Variants in CHD8 observed in about 807,000 individuals in gnomAD.
CHD8 encodes the protein ATP-dependent chromatin remodeler CHD8.
Under a neutral mutation model 279.2 loss-of-function variants are expected in CHD8, and 31 were observed. The observed-to-expected ratio is 0.11, with a 90% CI of 0.08 to 0.15. The LOEUF (loss-of-function observed/expected upper bound fraction) is 0.15. CHD8 is among the 10% of genes least tolerant of loss of function. CHD8 has a pLI of 1.00. For missense variants in CHD8, 2,146 were observed against 3,230.5 expected (o/e 0.66, Z 8.14); for synonymous variants, 1,081 against 1,139.6 (o/e 0.95, Z 1.04).
In CHD8 at chr14:21,391,868, G is replaced by T. The variant is rs777463739; in HGVS notation, c.6850C>A (p.His2284Asn). 7.4e-6 allele frequency: 12 copies of T among 1,613,492 alleles called. No homozygotes were observed. In the East Asian group the frequency reaches 2.7e-4, roughly 36 times the overall value. The change falls in exon 35 of 38, where the codon CAT becomes AAT. Residue 2284 changes from histidine to asparagine, a missense_variant. Physicochemically the swap from His to Asn is moderately conservative, Grantham distance 68. Transcript: ENST00000646647. ...TTCTTTCTGTTCCCCTTCTTCTTAT[G>T]AAACAGTGGATGTCCATCTCCCATT... is the stretch of plus-strand genomic sequence containing the variant. The part of the protein sequence containing the change: ...GVMGDGHPLF[H>N]KKKGNRKKLV...
intron 5 of CHD8, among the ~76,000 whole-genome samples, chr14:21,424,613 G>A (rs1012102047): frequency 6.6e-6 from 1 of 152,090 alleles, no homozygotes; most frequent in Non-Finnish European, 1.5e-5. Context: ...TGGGACTACA[G>A]GCGCCCACCA....
In CHD8 at chr14:21,407,015, G is replaced by T. The variant is rs764248941; in HGVS notation, c.2748C>A (p.Gly916=). The change falls in exon 14 of 38, where the codon GGC becomes GGA. Residue 916 remains glycine, a synonymous_variant. Transcript: ENST00000646647. ...CKDSRGRLIP[G]AYKFDALITT... ...TGATCAGAGCGTCAAACTTGTATGC[G>T]CCTGGGATGAGGCGTCCCTAAGCAT... 3 of 1,587,190 alleles carry T rather than the reference G, an allele frequency of 1.9e-6. No homozygotes were observed. The highest frequency in any genetic ancestry group is 3.6e-5 in the Admixed American group (2 of 55,252).
chr14:21,417,043 T>C (rs896875753), intron 5 of CHD8, among the ~76,000 whole-genome samples: 5 of 152,172 alleles, frequency 3.3e-5, no homozygotes, highest in African/African-American at 9.7e-5. Flanking sequence ...GAGGTTGCAG[T>C]GAGCAAACTT....
intron 37 of CHD8, among the ~76,000 whole-genome samples, chr14:21,388,745 A>G (rs1319497706): frequency 6.6e-6 from 1 of 151,954 alleles, no homozygotes; most frequent in Non-Finnish European, 1.5e-5. Flanking sequence ...CAGCCTCCCA[A>G]AGTGCTGGGA....
chr14:21,394,565 GT>G, intron 30 of CHD8, 80 bp from the exon 31 acceptor site: 1 of 302,076 alleles, frequency 3.3e-6, no homozygotes, highest in Non-Finnish European at 5.5e-6. Context: ...TTTTTAATGT[GT>G]TTTAGAATAT....
At chr14:21,388,472 ATAC>A (rs1181905007) in intron 37 of CHD8, among the ~76,000 whole-genome samples, 1 of 152,024 alleles carries the variant, frequency 6.6e-6, no homozygotes, top group Non-Finnish European at 1.5e-5. Flanking sequence ...TTACATGGAA[ATAC>A]TACATGATTT....
intron 1 of CHD8, among the ~76,000 whole-genome samples, chr14:21,451,079 A>C (rs1362153011): frequency 1.3e-5 from 2 of 152,198 alleles, no homozygotes; most frequent in Non-Finnish European, 2.9e-5. Flanking sequence ...TCACTCCTTA[A>C]ATGACAAGGT....
chr14:21,436,094 C>T (rs1889769898), intron 1 of CHD8, among the ~76,000 whole-genome samples: 1 of 152,236 alleles, frequency 6.6e-6, no homozygotes, highest in Non-Finnish European at 1.5e-5. Context: ...AGTATTGAGC[C>T]ATGCTGACCT....
At chr14:21,401,156 T>C in intron 21 of CHD8, 85 bp from the exon 22 acceptor site, 1 of 1,072,124 alleles carries the variant, frequency 9.3e-7, no homozygotes, top group Non-Finnish European at 1.3e-6. Context: ...TACAATAACA[T>C]TGGATGTAAC....
rs1392201145 is a variant in CHD8 at position 21,449,236 on chromosome 14, C to CA, written c.-216+6795dup. ...TGGATAATAAATGGGGCTTTGAAGT[C>CA]AGACCAGAGCTCCTCCTACTCTTGG... On this transcript the variant is annotated intron_variant, in intron 1 of 37. Transcript: ENST00000646647. 5.3e-5 allele frequency among the ~76,000 whole-genome samples: 8 copies of CA among 152,092 alleles called. No homozygotes were observed. The East Asian group carries it at 1.5e-3, about 29-fold the overall frequency.
chr14:21,419,131 T>G (rs1473923123), intron 5 of CHD8, among the ~76,000 whole-genome samples: 2 of 152,264 alleles, frequency 1.3e-5, no homozygotes, highest in Non-Finnish European at 2.9e-5. Context: ...TAGAAGATAC[T>G]TTCTACTTTT....
chr14:21,412,637 A>C lies in CHD8; in HGVS notation c.2226+276T>G, dbSNP rs117405492. ...ACCCCACCTCCAACTGTATGTCAAG[A>C]GTCTCCCATTTAAAATATGAGGAAA... On this transcript the variant is annotated intron_variant, in intron 10 of 37. Transcript: ENST00000646647. Among the ~76,000 whole-genome samples the C allele has an allele frequency of 5.2e-3, 791 of 152,170 alleles. 2 individuals carry two copies. Among genetic ancestry groups the C allele is most frequent in the Middle Eastern group, 0.017 (5 of 294 alleles).
intron 5 of CHD8, among the ~76,000 whole-genome samples, chr14:21,419,285 G>C (rs1028672328): frequency 6.6e-6 from 1 of 152,192 alleles, no homozygotes; most frequent in Non-Finnish European, 1.5e-5. Context: ...TGGGCCGGGA[G>C]CGGTGGCTCA....
chr14:21,420,354 TC>T (rs1273847733), intron 5 of CHD8, among the ~76,000 whole-genome samples: 1 of 151,608 alleles, frequency 6.6e-6, no homozygotes, highest in Non-Finnish European at 1.5e-5. Flanking sequence ...AAAGCTCCCC[TC>T]CCCCTCCTTC....
Position 21,392,715 on chromosome 14 carries a change from C to T in CHD8, c.6563G>A (p.Gly2188Glu), listed in dbSNP as rs2139444897. 2.5e-6 allele frequency: 4 copies of T among 1,613,992 alleles called. No homozygotes were observed. Among genetic ancestry groups the T allele is most frequent in the Non-Finnish European group, 3.4e-6 (4 of 1,179,896 alleles). Residue 2188 changes from glycine to glutamate, a missense_variant, in exon 34 of 38, where the codon GGA becomes GAA. Transcript: ENST00000646647. ...SSRRSQEMVT[G>E]GILGPGNHLL... Reference sequence around the variant, plus strand: ...GTGGTTGCCTGGCCCCAAAATTCCTCCTGTTACCATTTCCTGGCTCCTACG... The same window carrying T: ...GTGGTTGCCTGGCCCCAAAATTCCTTCTGTTACCATTTCCTGGCTCCTACG...
chr14:21,412,849 T>C (rs1011310778), intron 10 of CHD8, 64 bp downstream of exon 10: 3 of 1,020,970 alleles, frequency 2.9e-6, no homozygotes, highest in Admixed American at 3.6e-5. Flanking sequence ...AAATAAAGGA[T>C]TGGCAAACCC....
At chr14:21,454,066 G>C (rs1890320371) in intron 1 of CHD8, among the ~76,000 whole-genome samples, 2 of 151,800 alleles carry the variant, frequency 1.3e-5, no homozygotes, top group African/African-American at 4.8e-5. Context: ...GCTCAGGCAG[G>C]AGAATTACTT....
At position 21,403,942 on chromosome 14, in the gene CHD8, T is replaced by C. The variant is rs1376724782; in HGVS notation, c.3308-279A>G. ...GGTGAAACCCCGTCTCTACTAACAATACAAAAATTAGCCAGGTGTGGTGGC... is the reference window on the plus strand; with the variant it reads ...GGTGAAACCCCGTCTCTACTAACAACACAAAAATTAGCCAGGTGTGGTGGC... On this transcript the variant is annotated intron_variant, in intron 16 of 37. Coordinates refer to ENST00000646647, the MANE Select transcript of CHD8 (RefSeq NM_001170629.2). This position sits in a 1 kb window ranked among gnomAD's most constrained non-coding sequence, Gnocchi z 4.3. Among the ~76,000 whole-genome samples, 1 of 151,760 alleles carries C rather than the reference T, an allele frequency of 6.6e-6. No homozygotes were observed. Among genetic ancestry groups the C allele is most frequent in the African/African-American group, 2.4e-5 (1 of 41,270 alleles).
Position 21,386,080 on chromosome 14 carries a change from A to G in CHD8, c.7279T>C (p.Ser2427Pro), listed in dbSNP as rs748447130. Reference protein sequence around the residue: ...KRARRMRPDLSKMMALMQGGS... With the variant: ...KRARRMRPDLPKMMALMQGGS... ...CCCTGCATGAGGGCCATCATCTTAGAAAGGTCTGGTCGCATCCTACGGGCC... is the reference window on the plus strand; with the variant it reads ...CCCTGCATGAGGGCCATCATCTTAGGAAGGTCTGGTCGCATCCTACGGGCC... Residue 2427 changes from serine to proline, a missense_variant, in exon 38 of 38, where the codon TCT (serine) becomes CCT (proline). Ser to Pro is a moderately conservative substitution (Grantham distance 74). This residue lies in a region of CHD8 where 336 missense variants were observed against 392.9 expected (regional missense o/e 0.86). Transcript: ENST00000646647. The G allele has an allele frequency of 3.2e-6, 5 of 1,578,556 alleles. No individual in the cohort carries two copies. The highest frequency in any genetic ancestry group is 4.3e-6 in the Non-Finnish European group (5 of 1,161,514).
Sources: allele counts gnomAD v4.1 joint callset (sites outside exome capture counted in the v4.1 genomes callset), GRCh38; gene constraint gnomAD v4.1.1; regional missense constraint gnomAD v4.1.1; non-coding constraint Gnocchi (gnomAD v3.1); transcripts MANE v1.5; gene names NCBI Gene and HGNC (gene_info 2026-07-23, HGNC 2026-07-21).